Variants in HIVEP2 observed in about 807,000 individuals in gnomAD.
HIVEP2 encodes the protein HIVEP zinc finger 2.
Under a neutral mutation model 180.7 loss-of-function variants are expected in HIVEP2, and 14 were observed. The ratio of observed to expected loss-of-function variants is 0.08; its 90% CI spans 0.05 to 0.12. The LOEUF (loss-of-function observed/expected upper bound fraction) is 0.12, where lower values mean the gene tolerates loss of function less well. HIVEP2 is among the 10% of genes least tolerant of loss of function. The pLI is 1.00. For synonymous variants in HIVEP2, 1,184 were observed against 1,136.4 expected (o/e 1.04, Z -0.84); for missense variants, 2,579 against 3,008.5 (o/e 0.86, Z 3.34).
intron 3 of HIVEP2, among the ~76,000 whole-genome samples, chr6:142,778,419 A>G (rs1448286383): frequency 6.6e-6 from 1 of 152,222 alleles, no homozygotes; most frequent in African/African-American, 2.4e-5. Flanking sequence ...TACCCTCTAA[A>G]ATGGAAATAT....
In HIVEP2 at chr6:142,768,472, A is replaced by G; in HGVS notation, c.5252T>C (p.Leu1751Ser). 6.2e-7 allele frequency: 1 copy of G among 1,613,420 alleles called. No homozygotes were observed. The highest frequency in any genetic ancestry group is 1.7e-4 in the Middle Eastern group (1 of 6,054). ...KLERKLVGNILKERGKGDIHG... is the reference protein window; with the variant it reads ...KLERKLVGNISKERGKGDIHG... ...AATATCTCCTTTCCCTCTTTCCTTTAAGATATTTCCCACTAGTTTCCTTTC... is the reference window on the plus strand; with the variant it reads ...AATATCTCCTTTCCCTCTTTCCTTTGAGATATTTCCCACTAGTTTCCTTTC... The change falls in exon 6 of 10, where the codon TTA becomes TCA. Residue 1751 changes from leucine to serine, a missense_variant. This residue lies in a region of HIVEP2 where 349 missense variants were observed against 367.2 expected (regional missense o/e 0.95). Coordinates refer to ENST00000367603, the MANE Select transcript of HIVEP2 (RefSeq NM_006734.4).
chr6:142,835,476 A>G (rs556142699), intron 2 of HIVEP2, among the ~76,000 whole-genome samples: 1 of 152,284 alleles, frequency 6.6e-6, no homozygotes, highest in Admixed American at 6.5e-5. Context: ...TGTTGCAAAT[A>G]AAGACATTTA....
chr6:142,931,593 G>A (rs1777943009), intron 1 of HIVEP2, among the ~76,000 whole-genome samples: 1 of 151,992 alleles, frequency 6.6e-6, no homozygotes, highest in Non-Finnish European at 1.5e-5. Flanking sequence ...TGAGATTGCT[G>A]GCTTTCTAGG....
intron 1 of HIVEP2, among the ~76,000 whole-genome samples, chr6:142,860,437 C>T (rs1277361621): frequency 6.6e-6 from 1 of 152,124 alleles, no homozygotes; most frequent in African/African-American, 2.4e-5. Flanking sequence ...GACTGAAGTG[C>T]ACTGCATGTA....
chr6:142,808,428 G>A (rs1400037420), intron 2 of HIVEP2, among the ~76,000 whole-genome samples: 1 of 150,778 alleles, frequency 6.6e-6, no homozygotes, highest in African/African-American at 2.4e-5. Flanking sequence ...ACAGAGGCAA[G>A]GAGGGAGGGA....
At chr6:142,835,000 T>C (rs890842458) in intron 2 of HIVEP2, among the ~76,000 whole-genome samples, 3 of 152,102 alleles carry the variant, frequency 2.0e-5, no homozygotes, top group African/African-American at 7.2e-5. Flanking sequence ...TGAGAAAATA[T>C]ACCTAGCTCT....
chr6:142,836,638 A>G (rs1310255065), intron 2 of HIVEP2, among the ~76,000 whole-genome samples: 1 of 152,206 alleles, frequency 6.6e-6, no homozygotes, highest in Non-Finnish European at 1.5e-5. Flanking sequence ...TGATATTTTT[A>G]CATTACTTCA....
intron 6 of HIVEP2, 47 bp downstream of exon 6, chr6:142,768,335 C>G: frequency 6.4e-7 from 1 of 1,561,230 alleles, no homozygotes; most frequent in Non-Finnish European, 8.7e-7. Context: ...GGACCATTTA[C>G]TCTGACCTAT....
At chr6:142,940,638 G>A (rs1324210756) in intron 1 of HIVEP2, among the ~76,000 whole-genome samples, 2 of 152,158 alleles carry the variant, frequency 1.3e-5, no homozygotes, top group African/African-American at 4.8e-5. Flanking sequence ...TTAACTCCTG[G>A]AAGGAGCTCC....
At chr6:142,877,692 T>A (rs1776479589) in intron 1 of HIVEP2, among the ~76,000 whole-genome samples, 1 of 152,184 alleles carries the variant, frequency 6.6e-6, no homozygotes, top group Non-Finnish European at 1.5e-5. Flanking sequence ...TTTACTGACC[T>A]TTTAATTCCA....
At chr6:142,800,785 G>A (rs1283137089) in intron 2 of HIVEP2, among the ~76,000 whole-genome samples, 1 of 152,136 alleles carries the variant, frequency 6.6e-6, no homozygotes, top group African/African-American at 2.4e-5. Context: ...TATAAAACTG[G>A]AAAGATCCTT....
At chr6:142,859,161 T>C (rs1582918866) in intron 1 of HIVEP2, among the ~76,000 whole-genome samples, 1 of 152,136 alleles carries the variant, frequency 6.6e-6, no homozygotes, top group Non-Finnish European at 1.5e-5. Context: ...CTATAACTTT[T>C]GATCCCTACA....
chr6:142,771,506 C>T lies in HIVEP2; in HGVS notation c.3233G>A (p.Cys1078Tyr), dbSNP rs1405328486. Residue 1078 changes from cysteine (C) to tyrosine (Y), a missense_variant, in exon 5 of 10, where the codon TGC becomes TAC. Cys to Tyr is a radical substitution (Grantham distance 194). This residue lies in a region of HIVEP2 where 523 missense variants were observed against 577.0 expected (regional missense o/e 0.91). Coordinates refer to ENST00000367603, the MANE Select transcript of HIVEP2 (RefSeq NM_006734.4). This position sits in a 1 kb window ranked among gnomAD's most constrained non-coding sequence, Gnocchi z 5.4. The part of the protein sequence containing the change: ...TVSPSRERKK[C>Y]FLVRQASFSG... ...GAAGGAAGCTTGCCGCACCAGAAAG[C>T]ATTTCTTCCTCTCCCTGGACGGTGA... The T allele has an allele frequency of 1.9e-6, 3 of 1,613,768 alleles. No homozygotes were observed. Among genetic ancestry groups the T allele is most frequent in the Non-Finnish European group, 2.5e-6 (3 of 1,180,034 alleles).
chr6:142,841,808 T>C (rs1444961103), intron 1 of HIVEP2, among the ~76,000 whole-genome samples: 1 of 152,168 alleles, frequency 6.6e-6, no homozygotes, highest in African/African-American at 2.4e-5. Flanking sequence ...GACATTTATA[T>C]TCTGCAAGTC....
intron 1 of HIVEP2, among the ~76,000 whole-genome samples, chr6:142,915,441 T>TTTC (rs1360164362): frequency 1.3e-5 from 2 of 152,162 alleles, no homozygotes; most frequent in East Asian, 1.9e-4. Context: ...ACAGAACAGA[T>TTTC]TTCCCCTCAC....
At chr6:142,767,993 T>C (rs1279924086) in intron 6 of HIVEP2, among the ~76,000 whole-genome samples, 1 of 152,236 alleles carries the variant, frequency 6.6e-6, no homozygotes, top group East Asian at 1.9e-4. Flanking sequence ...AGATTATACA[T>C]GATTGTGCAT....
intron 1 of HIVEP2, among the ~76,000 whole-genome samples, chr6:142,889,354 T>C (rs1055237848): frequency 1.3e-5 from 2 of 152,096 alleles, no homozygotes; most frequent in Admixed American, 6.5e-5. Context: ...CCCTAGCTAC[T>C]TGGGAAGCAG....
Position 142,854,501 on chromosome 6 carries a change from C to A in HIVEP2, c.-640-17454G>T, listed in dbSNP as rs546628161. Among the ~76,000 whole-genome samples, 4 of 152,266 alleles carry A rather than the reference C, an allele frequency of 2.6e-5. No homozygotes were observed. In the South Asian group the frequency reaches 8.3e-4, roughly 32 times the overall value. On this transcript the variant is annotated intron_variant, in intron 1 of 9. Coordinates refer to ENST00000367603, the MANE Select transcript of HIVEP2 (RefSeq NM_006734.4). ...ATTACTCAAACTTCATCCTAAAGAT[C>A]GTGCTCAACCAAGAGAAATTCTACA...
intron 2 of HIVEP2, among the ~76,000 whole-genome samples, chr6:142,800,258 A>G (rs1393754627): frequency 1.3e-5 from 2 of 152,162 alleles, no homozygotes; most frequent in East Asian, 3.9e-4. Context: ...TTAGATGACA[A>G]TATTCAATTA....
Sources: gnomAD v4.1 joint callset for allele counts (sites outside exome capture counted in the v4.1 genomes callset) on GRCh38, gnomAD v4.1.1 for gene constraint, gnomAD v4.1.1 regional missense constraint, Gnocchi (gnomAD v3.1) non-coding constraint, MANE v1.5 for transcripts, NCBI Gene and HGNC (gene_info 2026-07-23, HGNC 2026-07-21) for gene names.